The following ASH2L variants were observed in gnomAD, a reference collection of about 807,000 sequenced individuals.
ASH2L encodes the protein set1/Ash2 histone methyltransferase complex subunit ASH2.
A neutral mutation model predicts 81.1 loss-of-function variants in ASH2L; 30 were observed. That is an observed-to-expected ratio of 0.37 (90% CI 0.28 to 0.50). The LOEUF (loss-of-function observed/expected upper bound fraction) is 0.50, where lower values mean the gene tolerates loss of function less well. Among genes scored for constraint, ASH2L ranks in the 20% least tolerant of loss-of-function variants. ASH2L has a pLI of 0.95. For missense variants in ASH2L, 559 were observed against 792.1 expected, an observed-to-expected ratio of 0.71 and a Z score of 3.53; for synonymous variants, 273 against 279.9, an observed-to-expected ratio of 0.98 and a Z score of 0.24.
rs1801948657 is a variant in ASH2L at position 38,128,671 on chromosome 8, A to G, written c.1334-87A>G. ...AATTTTACAAAATTGACCAAAAAAC[A>G]TAAAAAGAAATAGGATCTTTTTCCT... On this transcript the variant is annotated intron_variant, in intron 11 of 15. Transcript: ENST00000343823. The G allele has an allele frequency of 2.0e-5, 31 of 1,545,398 alleles. No individual in the cohort carries two copies. In the South Asian group the frequency reaches 2.9e-4, roughly 15 times the overall value.
intron 12 of ASH2L, among the ~76,000 whole-genome samples, chr8:38,130,630 G>C (rs1329246930): frequency 6.7e-6 from 1 of 150,192 alleles, no homozygotes; most frequent in Non-Finnish European, 1.5e-5. Context: ...ATGGAGTCTC[G>C]CTCTGTTGCC....
chr8:38,106,895 C>A, intron 2 of ASH2L, 126 bp from the exon 3 acceptor site: 1 of 1,093,364 alleles, frequency 9.1e-7, no homozygotes, highest in Non-Finnish European at 1.3e-6. Context: ...CTTTGGGAGG[C>A]TGAGACCTCA....
In ASH2L at chr8:38,136,164, A is replaced by G. The variant is rs112749103; in HGVS notation, c.1719+398A>G. ...TCTCACTCTGTTGCATAGGCTCACCATAGCCTTGACCTCCTGGGCACAAGT... is the reference window on the plus strand; with the variant it reads ...TCTCACTCTGTTGCATAGGCTCACCGTAGCCTTGACCTCCTGGGCACAAGT... On this transcript the variant is annotated intron_variant, in intron 14 of 15. Transcript: ENST00000343823. 2.5e-3 allele frequency among the ~76,000 whole-genome samples: 328 copies of G among 128,950 alleles called. 1 individual carries two copies. The highest frequency in any genetic ancestry group is 9.0e-3 in the African/African-American group (293 of 32,638). 84.6% of individuals were successfully genotyped at this position (128,950 alleles called of 152,430 possible). A position where few individuals can be genotyped will look rare whatever the true frequency, so the allele number is the denominator to read the frequency against.
At chr8:38,110,675 T>C (rs1810645121) in intron 4 of ASH2L, 64 bp from the exon 5 acceptor site, 1 of 1,368,926 alleles carries the variant, frequency 7.3e-7, no homozygotes, top group Non-Finnish European at 1.0e-6. Context: ...ACTTATCGAG[T>C]ATTCCCTTGG....
rs1292222779 is a variant in ASH2L, at chr8:38,110,848, A to G, written c.585+15A>G. The G allele has an allele frequency of 6.2e-7, 1 of 1,602,070 alleles. No individual in the cohort carries two copies. Among genetic ancestry groups the G allele is most frequent in the South Asian group, 1.1e-5 (1 of 89,864 alleles). On this transcript the variant is annotated intron_variant, in intron 5 of 15. Coordinates refer to ENST00000343823, the MANE Select transcript of ASH2L (RefSeq NM_004674.5). ...CCAAAGATAAGGTAGAGGTGGAACT[A>G]ATGTGATTGCAGTTATATTGAAGAG... is the stretch of plus-strand genomic sequence containing the variant.
intron 12 of ASH2L, 92 bp from the exon 13 acceptor site, chr8:38,133,362 A>C: frequency 1.2e-6 from 1 of 809,020 alleles, no homozygotes; most frequent in Non-Finnish European, 2.0e-6. Flanking sequence ...GTAGAGCTCA[A>C]GGGGTTAACA....
At position 38,105,739 on chromosome 8, in the gene ASH2L, G is replaced by A; in HGVS notation, c.188+1G>A. Reference sequence around the variant, plus strand: ...CCAGTTCCGGGGAGGCTGAAGGCGGGTAAGAGGTCCTGCCGCCCGAGGAAG... The same window carrying A: ...CCAGTTCCGGGGAGGCTGAAGGCGGATAAGAGGTCCTGCCGCCCGAGGAAG... On this transcript the variant is annotated splice_donor_variant, in intron 1 of 15. Coordinates refer to ENST00000343823, the MANE Select transcript of ASH2L (RefSeq NM_004674.5). LOFTEE classifies it high-confidence loss of function. 5.9e-6 allele frequency: 9 copies of A among 1,515,884 alleles called. No individual in the cohort carries two copies. The highest frequency in any genetic ancestry group is 7.9e-6 in the Non-Finnish European group (9 of 1,135,134). 93.9% of individuals were successfully genotyped at this position (1,515,884 alleles called of 1,614,324 possible).
intron 1 of ASH2L, 134 bp from the exon 2 acceptor site, chr8:38,106,244 A>G (rs1401659369): frequency 2.2e-6 from 3 of 1,366,476 alleles, no homozygotes; most frequent in African/African-American, 1.4e-5. Context: ...TTGGGCATCC[A>G]GTCTGAGATC....
rs1361494433 is a variant in ASH2L, at chr8:38,138,988, G to A, written c.1804G>A (p.Val602Met). The A allele has an allele frequency of 8.1e-6, 13 of 1,613,744 alleles. No homozygotes were observed. Among genetic ancestry groups the A allele is most frequent in the Middle Eastern group, 3.3e-4 (2 of 6,084 alleles). ...GATGAGTGACATGGGCTGGGGCGCC[G>A]TGGTAGAGCACACCCTGGCTGACGT... ...RPMSDMGWGA[V>M]VEHTLADVLY... Residue 602 changes from valine to methionine, a missense_variant, in exon 16 of 16, where the codon GTG becomes ATG. Physicochemically the swap from Val to Met is conservative, Grantham distance 21. Transcript: ENST00000343823.
rs767999041 is a variant in ASH2L, at chr8:38,121,049, C to G, written c.1065C>G (p.Pro355=). The G allele has an allele frequency of 6.2e-7, 1 of 1,613,670 alleles. No individual in the cohort carries two copies. Among genetic ancestry groups the G allele is most frequent in the Non-Finnish European group, 8.5e-7 (1 of 1,179,956 alleles). The change falls in exon 10 of 16, where the codon CCC becomes CCG. Residue 355 remains proline, a synonymous_variant. Transcript: ENST00000343823. ...AGCCTGATCCGCACGCCCCTGACCC[C>G]GAGAAGCTGGAACTTGACTGCTGGG... ...LAEPDPHAPD[P]EKLELDCWAG...
At chr8:38,106,160 C>G in intron 1 of ASH2L, 1 of 1,531,284 alleles carries the variant, frequency 6.5e-7, no homozygotes, top group Non-Finnish European at 8.8e-7. Context: ...CTGTAAAGGC[C>G]GGTTAGGCTT....
intron 10 of ASH2L, among the ~76,000 whole-genome samples, chr8:38,126,734 A>C (rs1801859129): frequency 6.6e-6 from 1 of 151,048 alleles, no homozygotes. Flanking sequence ...GGCACCTGTA[A>C]TCCCAGCTAC....
chr8:38,119,996 G>A (rs988674378), intron 9 of ASH2L, among the ~76,000 whole-genome samples: 2 of 151,984 alleles, frequency 1.3e-5, no homozygotes, highest in Non-Finnish European at 1.5e-5. Context: ...CTGGGGGCAC[G>A]TGCCTATAAT....
chr8:38,120,830 T>C lies in ASH2L; in HGVS notation c.948-102T>C, dbSNP rs1284540845. ...GAGAAGTATTTGCTGTGAAGTTGCA[T>C]GTATTCTAGCTGAAATAAACCAGAG... On this transcript the variant is annotated intron_variant, in intron 9 of 15. Transcript: ENST00000343823. 4.4e-6 allele frequency: 4 copies of C among 919,060 alleles called. No individual in the cohort carries two copies. The African/African-American group carries it at 4.9e-5, about 11-fold the overall frequency. 56.9% of individuals were successfully genotyped at this position (919,060 alleles called of 1,614,324 possible).
At chr8:38,136,390 A>G (rs200176620) in intron 14 of ASH2L, among the ~76,000 whole-genome samples, 4 of 78,592 alleles carry the variant, frequency 5.1e-5, no homozygotes, top group Non-Finnish European at 1.1e-4. Context: ...TTTTTTTTTT[A>G]AATATGATCC....
At chr8:38,116,597 C>G in intron 7 of ASH2L, 53 bp from the exon 8 acceptor site, 1 of 1,360,250 alleles carries the variant, frequency 7.4e-7, no homozygotes, top group Non-Finnish European at 1.0e-6. Context: ...TTATGAGCAT[C>G]CAGATTGACT....
At chr8:38,133,413 T>G in intron 12 of ASH2L, 41 bp from the exon 13 acceptor site, 1 of 1,427,032 alleles carries the variant, frequency 7.0e-7, no homozygotes, top group South Asian at 1.2e-5. Flanking sequence ...ATGATGGAGC[T>G]GATGCTTTAT....
chr8:38,131,532 G>A (rs1802056744), intron 12 of ASH2L, among the ~76,000 whole-genome samples: 1 of 152,118 alleles, frequency 6.6e-6, no homozygotes, highest in Admixed American at 6.5e-5. Context: ...TGTAATCTGA[G>A]TTACTCAAGA....
At position 38,139,252 on chromosome 8, in the gene ASH2L, T is replaced by A; in HGVS notation, c.*181T>A. The stretch of plus-strand genomic sequence containing the variant: ...TGCCTTTCACCATTTTCTCCCCACT[T>A]CCAGTGACTGCTCTTATTTTGTGTA... On this transcript the variant is annotated 3_prime_UTR_variant, in exon 16 of 16. Transcript: ENST00000343823. 1 of 555,648 alleles carries A rather than the reference T, an allele frequency of 1.8e-6. No homozygotes were observed. The highest frequency in any genetic ancestry group is 3.2e-6 in the Non-Finnish European group (1 of 314,222). The allele number at this position is 555,648 out of a possible 1,614,324, so 34.4% of individuals were successfully genotyped here. A position where few individuals can be genotyped will look rare whatever the true frequency, so the allele number is the denominator to read the frequency against.
Sources: gnomAD v4.1 joint callset for allele counts (sites outside exome capture counted in the v4.1 genomes callset) on GRCh38, gnomAD v4.1.1 for gene constraint, MANE v1.5 for transcripts, NCBI Gene and HGNC (gene_info 2026-07-23, HGNC 2026-07-21) for gene names.